The following CENPN variants were observed in gnomAD, a reference collection of about 807,000 sequenced individuals.
CENPN encodes the protein centromere protein N, also known as interphase centromere complex protein 32.
A neutral mutation model predicts 48.6 loss-of-function variants in CENPN; 36 were observed. The observed-to-expected ratio is 0.74, with a 90% CI of 0.57 to 0.98. The LOEUF (loss-of-function observed/expected upper bound fraction) is 0.98. CENPN is among the 50% of genes least tolerant of loss of function. The pLI, the probability that CENPN is intolerant of heterozygous loss-of-function variation, is 0.00. For missense variants in CENPN, 439 were observed against 399.2 expected, an observed-to-expected ratio of 1.10 and a Z score of -0.85; for synonymous variants, 166 against 135.2, an observed-to-expected ratio of 1.23 and a Z score of -1.58.
chr16:81,011,989 C>G lies in CENPN; in HGVS notation c.50C>G (p.Pro17Arg), dbSNP rs777289357. 2.5e-6 allele frequency: 4 copies of G among 1,614,126 alleles called. No homozygotes were observed. Among genetic ancestry groups the G allele is most frequent in the Middle Eastern group, 1.6e-4 (1 of 6,062 alleles). The change falls in exon 2 of 11, where the codon CCC becomes CGC. Residue 17 changes from proline (P) to arginine (R), a missense_variant. Coordinates refer to ENST00000305850, the MANE Select transcript of CENPN (RefSeq NM_001100624.3). ...EFIKRTILKI[P>R]MNELTTILKA... ...ATCAAGAGGACCATCTTGAAAATCC[C>G]CATGAATGAACTGACAACAATCCTG...
At chr16:81,023,916 T>G (rs1055075972) in intron 7 of CENPN, 1 of 152,088 alleles carries the variant, frequency 6.6e-6, no homozygotes, top group Non-Finnish European at 1.5e-5. Context: ...TTGTCTCTAC[T>G]AAAAATACAA....
rs140837917 is a variant in CENPN, at chr16:81,026,002, C to T, written c.698-524C>T. On this transcript the variant is annotated intron_variant, in intron 8 of 10. Coordinates refer to ENST00000305850, the MANE Select transcript of CENPN (RefSeq NM_001100624.3). The stretch of plus-strand genomic sequence containing the variant: ...ACAGGTGTGAGCCACCGTGCCCAGC[C>T]GAGACCCCATCTCTTAAAAAAAATA... Among the ~76,000 whole-genome samples, 248 of 148,818 alleles carry T rather than the reference C, an allele frequency of 1.7e-3. 1 individual carries two copies. The highest frequency in any genetic ancestry group is 7.0e-3 in the Middle Eastern group (2 of 286).
intron 4 of CENPN, 141 bp downstream of exon 4, chr16:81,017,526 C>T: frequency 1.4e-6 from 1 of 693,312 alleles, no homozygotes; most frequent in Non-Finnish European, 2.5e-6. Context: ...AAAAAAATAG[C>T]AGTATGTTCC....
intron 8 of CENPN, among the ~76,000 whole-genome samples, chr16:81,025,689 C>CTTTTTTTT (rs761078576): frequency 0.011 from 1,448 of 135,060 alleles, 189 homozygotes; most frequent in African/African-American, 0.039. Context: ...GACCCTGTCT[C>CTTTTTTTT]TCTTTTTTTT....
intron 1 of CENPN, among the ~76,000 whole-genome samples, chr16:81,011,726 G>A (rs1365367943): frequency 6.6e-6 from 1 of 152,220 alleles, no homozygotes; most frequent in Non-Finnish European, 1.5e-5. Flanking sequence ...CCGATGGCCA[G>A]GCGCAGTAGC....
intron 5 of CENPN, among the ~76,000 whole-genome samples, chr16:81,018,140 C>G (rs146081214): frequency 6.6e-6 from 1 of 151,890 alleles, no homozygotes; most frequent in Non-Finnish European, 1.5e-5. Flanking sequence ...TGAGCACTTG[C>G]GGCTAGTGTG....
At chr16:81,020,034 C>G (rs772827328) in intron 5 of CENPN, 66 bp from the exon 6 acceptor site, 1 of 1,464,530 alleles carries the variant, frequency 6.8e-7, no homozygotes, top group African/African-American at 1.4e-5. Flanking sequence ...TAATAAGCAC[C>G]TGGAGTTGGT....
chr16:81,026,405 A>T (rs1017008296), intron 8 of CENPN, 121 bp from the exon 9 acceptor site: 1 of 443,882 alleles, frequency 2.3e-6, no homozygotes, highest in Non-Finnish European at 4.1e-6. Flanking sequence ...CCAAGAGAAG[A>T]AGCAGTAAAT....
At chr16:81,017,462 A>G in intron 4 of CENPN, 77 bp downstream of exon 4, 1 of 974,550 alleles carries the variant, frequency 1.0e-6, no homozygotes, top group Non-Finnish European at 1.6e-6. Context: ...GCGAGCTGAG[A>G]TTGCACCACT....
chr16:81,032,627 C>T, downstream of CENPN: 1 of 1,613,592 alleles, frequency 6.2e-7, no homozygotes. Context: ...AGTCAAGGGA[C>T]CCAGGACCCG....
chr16:81,031,977 C>G (rs2151727401), downstream of CENPN, among the ~76,000 whole-genome samples: 1 of 152,276 alleles, frequency 6.6e-6, no homozygotes, highest in Admixed American at 6.5e-5. Flanking sequence ...AGGGAAATTT[C>G]AGACTAGGGA....
At chr16:81,011,341 A>G (rs1347790602) in intron 1 of CENPN, among the ~76,000 whole-genome samples, 2 of 152,116 alleles carry the variant, frequency 1.3e-5, no homozygotes, top group Non-Finnish European at 2.9e-5. Flanking sequence ...CACTTTTAAC[A>G]TAGTTTGTGA....
At position 81,031,482 on chromosome 16, in the gene CENPN, CT is replaced by C. The variant is rs1379015829; in HGVS notation, c.*2832del. The C allele has an allele frequency of 6.6e-6, 1 of 152,228 alleles. No homozygotes were observed. The highest frequency in any genetic ancestry group is 1.5e-5 in the Non-Finnish European group (1 of 68,048). The allele number at this position is 152,228 out of a possible 1,614,324, so 9.4% of individuals were successfully genotyped here. A position where few individuals can be genotyped will look rare whatever the true frequency, so the allele number is the denominator to read the frequency against. On this transcript the variant is annotated 3_prime_UTR_variant, in exon 11 of 11. Transcript: ENST00000305850. ...ACCTCAATAAAAACACCTTGTCTTG[CT>C]GCTTTGCAGTGTGGTCTTTTGCCCC...
downstream of CENPN, among the ~76,000 whole-genome samples, chr16:81,032,167 A>G (rs371003916): frequency 3.3e-5 from 5 of 152,288 alleles, no homozygotes; most frequent in Non-Finnish European, 7.4e-5. Context: ...GCTTCTTACT[A>G]AAAGAAACAC....
chr16:81,026,476 G>A, intron 8 of CENPN, 50 bp from the exon 9 acceptor site: 1 of 853,740 alleles, frequency 1.2e-6, no homozygotes, highest in Non-Finnish European at 1.9e-6. Flanking sequence ...ATAATTTAAG[G>A]ATGAAATATA....
chr16:81,020,377 G>C (rs965193390), intron 6 of CENPN, 101 bp downstream of exon 6: 1 of 1,195,052 alleles, frequency 8.4e-7, no homozygotes, highest in Non-Finnish European at 1.1e-6. Flanking sequence ...AGAATACTAG[G>C]CCAGGTGCAG....
intron 2 of CENPN, 135 bp downstream of exon 2, chr16:81,012,245 T>G (rs985272213): frequency 6.9e-6 from 4 of 580,562 alleles, no homozygotes; most frequent in African/African-American, 1.9e-5. Context: ...TATATACAAC[T>G]GCAGTGGAAA....
downstream of CENPN, chr16:81,032,482 C>A: frequency 1.5e-6 from 2 of 1,364,472 alleles, no homozygotes; most frequent in Non-Finnish European, 1.0e-6. Context: ...CCTCCCCTCC[C>A]CACCAGGCAC....
chr16:81,013,409 G>C (rs1163646120), intron 2 of CENPN, among the ~76,000 whole-genome samples: 2 of 152,208 alleles, frequency 1.3e-5, no homozygotes, highest in Non-Finnish European at 1.5e-5. Context: ...ACCAAGAAGA[G>C]TGGAAGGAAG....
Sources: allele counts gnomAD v4.1 joint callset (sites outside exome capture counted in the v4.1 genomes callset), GRCh38; gene constraint gnomAD v4.1.1; transcripts MANE v1.5; gene names NCBI Gene and HGNC (gene_info 2026-07-23, HGNC 2026-07-21).